The following WWC1 variants were observed in gnomAD, a reference collection of about 807,000 sequenced individuals.
WWC1 encodes protein KIBRA.
In WWC1, 55 loss-of-function variants were observed where a neutral mutation model predicts 138.4. The ratio of observed to expected loss-of-function variants is 0.40; its 90% CI spans 0.32 to 0.50. WWC1 has a LOEUF of 0.50. Ranked by LOEUF, WWC1 falls within the 20% of genes least tolerant of loss-of-function variation. The probability of loss-of-function intolerance (pLI) is 0.72; values close to 1 mark genes in which losing one functional copy is unlikely to be tolerated. For missense variants in WWC1, 1,226 were observed against 1,420.4 expected (o/e 0.86, Z 2.20); for synonymous variants, 524 against 564.9 (o/e 0.93, Z 1.03).
At position 168,431,359 on chromosome 5, in the gene WWC1, T is replaced by A; in HGVS notation, c.2195T>A (p.Val732Glu). The change falls in exon 15 of 23, where the codon GTA (valine) becomes GAA (glutamate). Residue 732 changes from valine to glutamate, a missense_variant. Coordinates refer to ENST00000265293, the MANE Select transcript of WWC1 (RefSeq NM_015238.3). ...CTAGTGTTCAATGAGGTGTTCTGGG[T>A]ATCCATGTCCTATCCAGCCCTTCAC... ...DTLVFNEVFW[V>E]SMSYPALHQK... 1 of 1,614,138 alleles carries A rather than the reference T, an allele frequency of 6.2e-7. No homozygotes were observed.
chr5:168,295,483 C>CGTGTGT (rs3138761), intron 1 of WWC1, among the ~76,000 whole-genome samples: 20,158 of 142,384 alleles, frequency 0.14, 1,496 homozygotes, highest in African/African-American at 0.16. Flanking sequence ...ATTTCTACTC[C>CGTGTGT]GTGTGTGTGT....
chr5:168,354,568 A>G (rs1775248539), intron 1 of WWC1, among the ~76,000 whole-genome samples: 1 of 152,182 alleles, frequency 6.6e-6, no homozygotes, highest in Non-Finnish European at 1.5e-5. Flanking sequence ...GTGCTGTCCT[A>G]GGTACAAAAG....
chr5:168,326,257 G>GC (rs1166687749), intron 1 of WWC1, among the ~76,000 whole-genome samples: 1 of 109,210 alleles, frequency 9.2e-6, no homozygotes, highest in Non-Finnish European at 1.8e-5. Context: ...TGCTCTTGTT[G>GC]CCCAGACTGG....
chr5:168,416,797 G>A (rs1780692697), intron 9 of WWC1, among the ~76,000 whole-genome samples: 1 of 152,212 alleles, frequency 6.6e-6, no homozygotes, highest in African/African-American at 2.4e-5. Context: ...TTGTTAGTAG[G>A]TTCTTGGAAA....
At chr5:168,430,049 C>A in intron 13 of WWC1, 88 bp from the exon 14 acceptor site, 1 of 1,078,832 alleles carries the variant, frequency 9.3e-7, no homozygotes, top group Non-Finnish European at 1.4e-6. Context: ...CAGCCAACAG[C>A]CACGTCCTGT....
At position 168,381,403 on chromosome 5, in the gene WWC1, C is replaced by T. The variant is rs151010774; in HGVS notation, c.230-3808C>T. On this transcript the variant is annotated intron_variant, in intron 2 of 22. Transcript: ENST00000265293. Reference sequence around the variant, plus strand: ...GCATTTCAACCAGCACCTGGGCAGGCGATTCCACCTGGAGCCCGCATCGCA... The same window carrying T: ...GCATTTCAACCAGCACCTGGGCAGGTGATTCCACCTGGAGCCCGCATCGCA... Among the ~76,000 whole-genome samples, 197 of 152,250 alleles carry T rather than the reference C, an allele frequency of 1.3e-3. 1 individual carries two copies. The highest frequency in any genetic ancestry group is 4.6e-3 in the African/African-American group (191 of 41,554).
intron 3 of WWC1, among the ~76,000 whole-genome samples, chr5:168,388,859 AAAT>A (rs1205958524): frequency 7.2e-5 from 11 of 152,080 alleles, no homozygotes; most frequent in Admixed American, 7.2e-4. Flanking sequence ...AAAAACAAAT[AAAT>A]AATTGTCGAT....
At chr5:168,367,456 C>T (rs1329824261) in intron 1 of WWC1, among the ~76,000 whole-genome samples, 1 of 151,304 alleles carries the variant, frequency 6.6e-6, no homozygotes. Flanking sequence ...CTCAGCCTCC[C>T]GAGTAGCTGG....
intron 2 of WWC1, among the ~76,000 whole-genome samples, chr5:168,381,486 C>G (rs1159642772): frequency 6.6e-6 from 1 of 152,194 alleles, no homozygotes; most frequent in Non-Finnish European, 1.5e-5. Flanking sequence ...AACACCGGTT[C>G]TCACCTTGGG....
chr5:168,346,408 C>A (rs1363431645), intron 1 of WWC1, among the ~76,000 whole-genome samples: 4 of 152,170 alleles, frequency 2.6e-5, no homozygotes, highest in Admixed American at 6.5e-5. Flanking sequence ...CTGCTCAGCT[C>A]CTCCTGCCCT....
chr5:168,403,667 T>A (rs7700571), intron 5 of WWC1, among the ~76,000 whole-genome samples: 42,924 of 151,770 alleles, frequency 0.28, 6,408 homozygotes, highest in South Asian at 0.4. Context: ...AGACCAGGCA[T>A]CTCGCCCCTG....
At chr5:168,306,209 C>T (rs184999168) in intron 1 of WWC1, among the ~76,000 whole-genome samples, 3 of 152,134 alleles carry the variant, frequency 2.0e-5, no homozygotes, top group Admixed American at 2.0e-4. Flanking sequence ...CCAGCCTGGC[C>T]AACATGGTGA....
chr5:168,427,943 T>C lies in WWC1; in HGVS notation c.1811-90T>C, dbSNP rs1251611973. ...GCCACTGCACTCCAGCCTGGATGAG[T>C]GAGACCCTGCCTCAAAAACAAAACA... On this transcript the variant is annotated intron_variant, in intron 11 of 22. Coordinates refer to ENST00000265293, the MANE Select transcript of WWC1 (RefSeq NM_015238.3). 7.5e-6 allele frequency: 8 copies of C among 1,067,074 alleles called. No homozygotes were observed. The Admixed American group carries it at 1.4e-4, about 18-fold the overall frequency. 66.1% of individuals were successfully genotyped at this position (1,067,074 alleles called of 1,614,324 possible).
intron 9 of WWC1, among the ~76,000 whole-genome samples, chr5:168,418,693 T>G (rs974629800): frequency 2.6e-5 from 4 of 151,892 alleles, no homozygotes; most frequent in Non-Finnish European, 5.9e-5. Flanking sequence ...CCACATTTAC[T>G]CCCAGCACAC....
chr5:168,350,652 G>A (rs2152787811), intron 1 of WWC1, among the ~76,000 whole-genome samples: 1 of 152,328 alleles, frequency 6.6e-6, no homozygotes, highest in Admixed American at 6.5e-5. Context: ...GGAGGAAAAG[G>A]ACGTGGAAGA....
chr5:168,306,249 G>A (rs6555797), intron 1 of WWC1, among the ~76,000 whole-genome samples: 97,692 of 151,270 alleles, frequency 0.65, 31,749 homozygotes, highest in Middle Eastern at 0.75. Context: ...ATACAAAATT[G>A]ACCAGGTGTA....
intron 1 of WWC1, among the ~76,000 whole-genome samples, chr5:168,351,035 T>C (rs1774910523): frequency 1.3e-5 from 2 of 151,702 alleles, no homozygotes; most frequent in African/African-American, 4.8e-5. Flanking sequence ...TAATCTCAGC[T>C]ACTTGGGAGG....
chr5:168,348,247 G>A (rs1378128126), intron 1 of WWC1, among the ~76,000 whole-genome samples: 2 of 152,222 alleles, frequency 1.3e-5, no homozygotes, highest in Non-Finnish European at 2.9e-5. Context: ...GGACGTGACT[G>A]TGATGTGTGT....
intron 1 of WWC1, among the ~76,000 whole-genome samples, chr5:168,359,033 GGTGTGTGTGTGTGTGTGT>G (rs58992917): frequency 4.0e-5 from 6 of 148,204 alleles, no homozygotes. Context: ...GTGGTGGTGG[GGTGTGTGTGTGTGTGTGT>G]GTGTGTGTGT....
Sources: gnomAD v4.1 joint callset for allele counts (sites outside exome capture counted in the v4.1 genomes callset) on GRCh38, gnomAD v4.1.1 for gene constraint, MANE v1.5 for transcripts, NCBI Gene and HGNC (gene_info 2026-07-23, HGNC 2026-07-21) for gene names.